Variants in NELFE observed in about 807,000 individuals in gnomAD.
NELFE encodes the protein negative elongation factor E.
In NELFE, 26 loss-of-function variants were observed where a neutral mutation model predicts 55.5. The ratio of observed to expected loss-of-function variants is 0.47; its 90% CI spans 0.34 to 0.65. The LOEUF (loss-of-function observed/expected upper bound fraction) is 0.65. Ranked by LOEUF, NELFE falls within the 30% of genes least tolerant of loss-of-function variation. The pLI, the probability that NELFE is intolerant of heterozygous loss-of-function variation, is 0.01. For synonymous variants in NELFE, 162 were observed against 178.0 expected, an observed-to-expected ratio of 0.91 and a Z score of 0.72; for missense variants, 403 against 506.9, an observed-to-expected ratio of 0.80 and a Z score of 1.97.
intron 1 of NELFE, 117 bp from the exon 2 acceptor site, chr6:31,958,571 T>C (rs1315974813): frequency 2.4e-6 from 2 of 850,406 alleles, no homozygotes; most frequent in Admixed American, 3.7e-5. Flanking sequence ...TGTCTTTGGC[T>C]TTCCCTACCC....
At chr6:31,956,549 A>G in intron 4 of NELFE, 144 bp downstream of exon 4, 1 of 842,594 alleles carries the variant, frequency 1.2e-6, no homozygotes, top group Non-Finnish European at 1.8e-6. Flanking sequence ...GGAGTCGTCT[A>G]GTTTTTTCAT....
Position 31,952,137 on chromosome 6 carries a change from TG to T in NELFE, c.*163del. On this transcript the variant is annotated 3_prime_UTR_variant, in exon 11 of 11. Coordinates refer to ENST00000375429, the MANE Select transcript of NELFE (RefSeq NM_002904.6). ...GGGAGTGGGGAACAGGCACTGGCCA[TG>T]TTGTTACACTGAGATCAAACCTGAC... is the stretch of plus-strand genomic sequence containing the variant. 1 of 1,519,184 alleles carries T rather than the reference TG, an allele frequency of 6.6e-7. No individual in the cohort carries two copies. Among genetic ancestry groups the T allele is most frequent in the Non-Finnish European group, 9.1e-7 (1 of 1,099,812 alleles). 94.1% of individuals were successfully genotyped at this position (1,519,184 alleles called of 1,614,324 possible). A position where few individuals can be genotyped will look rare whatever the true frequency, so the allele number is the denominator to read the frequency against.
chr6:31,954,442 C>A lies in NELFE; in HGVS notation c.743G>T (p.Arg248Met), dbSNP rs1771941941. ...TCGCCGTTCAGGGAATGAATCCGAC[C>A]CTTTGGGAGCACAAATCATAGTCAC... ...RDRDREGPFRRSDSFPERRAP... is the reference protein window; with the variant it reads ...RDRDREGPFRMSDSFPERRAP... The change falls in exon 8 of 11, where the codon AGG becomes ATG. Residue 248 changes from arginine to methionine, a missense_variant and splice_region_variant. Physicochemically the swap from Arg to Met is moderately conservative, Grantham distance 91. Transcript: ENST00000375429. This position sits in a 1 kb window ranked among gnomAD's most constrained non-coding sequence, Gnocchi z 5.5. 1.9e-6 allele frequency: 3 copies of A among 1,595,348 alleles called. No homozygotes were observed. The highest frequency in any genetic ancestry group is 2.6e-6 in the Non-Finnish European group (3 of 1,169,634).
In NELFE at chr6:31,953,778, T is replaced by C. The variant is rs1482580406; in HGVS notation, c.996A>G (p.Lys332=). 6.2e-7 allele frequency: 1 copy of C among 1,612,856 alleles called. No homozygotes were observed. Among genetic ancestry groups the C allele is most frequent in the African/African-American group, 1.3e-5 (1 of 74,892 alleles). ...SVQLKVNIAR[K]QPMLDAATGK... The stretch of plus-strand genomic sequence containing the variant: ...CAGTAGCGGCATCCAGCATGGGCTG[T>C]TTTCGGGCTATGTTGACTTTGAGCT... Residue 332 remains lysine (K), a synonymous_variant, in exon 10 of 11, where the codon AAA becomes AAG. Coordinates refer to ENST00000375429, the MANE Select transcript of NELFE (RefSeq NM_002904.6).
Position 31,954,016 on chromosome 6 carries a change from AT to A in NELFE, c.942+63del. 6.4e-7 allele frequency: 1 copy of A among 1,560,134 alleles called. No individual in the cohort carries two copies. The highest frequency in any genetic ancestry group is 1.7e-5 in the Admixed American group (1 of 58,686). ...AACCAACTTCTTCCTGGCATCTAGT[AT>A]TTTGAGGAGAACACATGAGAACAGC... On this transcript the variant is annotated intron_variant, in intron 9 of 10. Coordinates refer to ENST00000375429, the MANE Select transcript of NELFE (RefSeq NM_002904.6). The surrounding 1 kb of genome is among the most constrained non-coding windows in gnomAD (Gnocchi z 5.5).
chr6:31,954,652 CTCTCTG>C lies in NELFE; in HGVS notation c.639_644del (p.Asp213_Arg214del), dbSNP rs759478514. The stretch of plus-strand genomic sequence containing the variant: ...GATCCCGATCCCGATCCCTGTCCCG[CTCTCTG>C]TCTCTGTCTCGATCCCGGTCTCGAT... On this transcript the variant is annotated inframe_deletion, in exon 7 of 11. Transcript: ENST00000375429. The surrounding 1 kb of genome is among the most constrained non-coding windows in gnomAD (Gnocchi z 5.5). The C allele has an allele frequency of 1.2e-4, 190 of 1,602,834 alleles. No homozygotes were observed. Among genetic ancestry groups the C allele is most frequent in the Non-Finnish European group, 1.5e-4 (177 of 1,174,518 alleles).
intron 1 of NELFE, 157 bp downstream of exon 1, chr6:31,958,735 G>C: frequency 1.4e-6 from 1 of 701,994 alleles, no homozygotes; most frequent in East Asian, 2.7e-5. Context: ...GATGGCACCC[G>C]ACCCCCCTAC....
chr6:31,955,472 A>C, intron 4 of NELFE, among the ~76,000 whole-genome samples, 179 bp from the exon 5 acceptor site: 1 of 143,356 alleles, frequency 7.0e-6, no homozygotes, highest in African/African-American at 2.6e-5. Flanking sequence ...TTTTTGAGAC[A>C]CGGTCCTGCT....
chr6:31,957,787 T>C (rs1350150168), intron 2 of NELFE, among the ~76,000 whole-genome samples: 1 of 152,212 alleles, frequency 6.6e-6, no homozygotes, highest in African/African-American at 2.4e-5. Flanking sequence ...ATGGATCATT[T>C]GAACAGGAGT....
chr6:31,953,208 C>G (rs1771870510), intron 10 of NELFE, among the ~76,000 whole-genome samples: 2 of 152,216 alleles, frequency 1.3e-5, no homozygotes, highest in Admixed American at 1.3e-4. Flanking sequence ...GTCAGGACAG[C>G]TGGGGACATG....
In NELFE at chr6:31,954,419, G is replaced by A. The variant is rs761850186; in HGVS notation, c.766C>T (p.Arg256Ter). ...AGAGTATTCCCTTTCCTAGGGGCTC[G>A]CCGTTCAGGGAATGAATCCGACCCT... ...FRRSDSFPER[R>*]APRKGNTLYV... Residue 256 changes from arginine (R) to a stop codon, truncating the protein, a stop_gained, in exon 8 of 11, where the codon CGA becomes TGA. Coordinates refer to ENST00000375429, the MANE Select transcript of NELFE (RefSeq NM_002904.6). LOFTEE classifies it high-confidence loss of function. The surrounding 1 kb of genome is among the most constrained non-coding windows in gnomAD (Gnocchi z 5.5). The A allele has an allele frequency of 8.1e-6, 13 of 1,605,526 alleles. No homozygotes were observed. Among genetic ancestry groups the A allele is most frequent in the South Asian group, 2.2e-5 (2 of 90,260 alleles).
At position 31,954,645 on chromosome 6, in the gene NELFE, T is replaced by C. The variant is rs778959876; in HGVS notation, c.652A>G (p.Arg218Gly). Residue 218 changes from arginine to glycine, a missense_variant, in exon 7 of 11, where the codon AGG (arginine) becomes GGG (glycine). Transcript: ENST00000375429. The surrounding 1 kb of genome is among the most constrained non-coding windows in gnomAD (Gnocchi z 5.5). ...RDRDRDRERD[R>G]DRDRDRDRDR... ...CGATCTCGATCCCGATCCCGATCCC[T>C]GTCCCGCTCTCTGTCTCTGTCTCGA... 3.7e-6 allele frequency: 6 copies of C among 1,603,956 alleles called. No homozygotes were observed. Among genetic ancestry groups the C allele is most frequent in the Admixed American group, 1.7e-5 (1 of 59,338 alleles).
At position 31,956,848 on chromosome 6, in the gene NELFE, C is replaced by T. The variant is rs1366233970; in HGVS notation, c.146-10G>A. The T allele has an allele frequency of 8.7e-6, 14 of 1,613,024 alleles. No individual in the cohort carries two copies. The highest frequency in any genetic ancestry group is 1.2e-5 in the Non-Finnish European group (14 of 1,180,026). ...GGCTGCTCTGATAGTGCTGGAGAGA[C>T]AAGGGGAAGAGGCATTATGTTGGCC... On this transcript the variant is annotated splice_polypyrimidine_tract_variant and intron_variant, in intron 3 of 10. Transcript: ENST00000375429.
At chr6:31,957,640 T>G (rs1772172213) in intron 2 of NELFE, among the ~76,000 whole-genome samples, 1 of 152,246 alleles carries the variant, frequency 6.6e-6, no homozygotes. Context: ...GCTTTGGGAA[T>G]GCATCTTTTG....
chr6:31,958,739 C>G, intron 1 of NELFE, 153 bp downstream of exon 1: 1 of 702,496 alleles, frequency 1.4e-6, no homozygotes, highest in South Asian at 1.5e-5. Flanking sequence ...GCACCCGACC[C>G]CCCTACCCTC....
intron 10 of NELFE, among the ~76,000 whole-genome samples, chr6:31,952,967 C>G (rs1312262046): frequency 1.3e-5 from 2 of 152,250 alleles, no homozygotes; most frequent in Non-Finnish European, 2.9e-5. Context: ...ACATGTTACT[C>G]TCTTCACCCC....
At chr6:31,958,803 G>T in intron 1 of NELFE, 89 bp downstream of exon 1, 2 of 676,020 alleles carry the variant, frequency 3.0e-6, no homozygotes, top group South Asian at 3.1e-5. Context: ...GGTGGAGCCA[G>T]CGTAGCGCCC....
chr6:31,955,296 G>A lies in NELFE; in HGVS notation c.292-3C>T. ...GGGACTGGTCCCTTCTCGGGGTCCT[G>A]GAGTGGTGAGAGACCTACCTCAGTG... On this transcript the variant is annotated splice_region_variant and splice_polypyrimidine_tract_variant and intron_variant, in intron 4 of 10. Transcript: ENST00000375429. The A allele has an allele frequency of 6.4e-7, 1 of 1,564,080 alleles. No homozygotes were observed. Among genetic ancestry groups the A allele is most frequent in the African/African-American group, 1.4e-5 (1 of 73,016 alleles).
intron 2 of NELFE, 196 bp from the exon 3 acceptor site, chr6:31,957,206 A>C: frequency 1.6e-6 from 1 of 623,080 alleles, no homozygotes; most frequent in Non-Finnish European, 2.8e-6. Context: ...TAACCAAACC[A>C]CGGAACCCAG....
Sources: allele counts gnomAD v4.1 joint callset (sites outside exome capture counted in the v4.1 genomes callset), GRCh38; gene constraint gnomAD v4.1.1; non-coding constraint Gnocchi (gnomAD v3.1); transcripts MANE v1.5; gene names NCBI Gene and HGNC (gene_info 2026-07-23, HGNC 2026-07-21).